The following ROBO1 variants were observed in gnomAD, a reference collection of about 807,000 sequenced individuals.
The protein encoded by ROBO1 is roundabout homolog 1.
ROBO1 carries 149 observed loss-of-function variants against 195.9 expected under a neutral mutation model. The ratio of observed to expected loss-of-function variants is 0.76; its 90% CI spans 0.67 to 0.87. The LOEUF (loss-of-function observed/expected upper bound fraction) is 0.87. ROBO1 is among the 40% of genes least tolerant of loss of function. The pLI, the probability that ROBO1 is intolerant of heterozygous loss-of-function variation, is 0.00. For synonymous variants in ROBO1, 816 were observed against 733.2 expected, an observed-to-expected ratio of 1.11 and a Z score of -1.82; for missense variants, 1,933 against 2,068.3, an observed-to-expected ratio of 0.93 and a Z score of 1.27.
chr3:79,732,048 T>C (rs1311509457), intron 1 of ROBO1, among the ~76,000 whole-genome samples: 2 of 152,052 alleles, frequency 1.3e-5, no homozygotes, highest in Non-Finnish European at 2.9e-5. Context: ...ATAAAACATA[T>C]AGATGAGGTA....
chr3:79,144,570 C>T (rs766670740), intron 2 of ROBO1, among the ~76,000 whole-genome samples: 2 of 151,840 alleles, frequency 1.3e-5, no homozygotes, highest in South Asian at 4.2e-4. Context: ...GAATGGAGTA[C>T]GTGAACCTAA....
intron 4 of ROBO1, among the ~76,000 whole-genome samples, chr3:78,859,034 C>T (rs150135761): frequency 6.6e-6 from 1 of 151,998 alleles, no homozygotes; most frequent in Non-Finnish European, 1.5e-5. Flanking sequence ...TTCCACAACT[C>T]TCTGTTGAAC....
chr3:79,035,725 T>C (rs2078370253), intron 3 of ROBO1, among the ~76,000 whole-genome samples: 1 of 150,488 alleles, frequency 6.6e-6, no homozygotes, highest in African/African-American at 2.5e-5. Context: ...TACGAGACTT[T>C]ATCTAAAAAA....
chr3:79,742,813 C>T (rs372931489), intron 1 of ROBO1, among the ~76,000 whole-genome samples: 1 of 152,256 alleles, frequency 6.6e-6, no homozygotes, highest in East Asian at 1.9e-4. Context: ...CAAGAGCTTC[C>T]TTCAAAAGCA....
intron 2 of ROBO1, among the ~76,000 whole-genome samples, chr3:79,139,355 G>A (rs1475751054): frequency 6.6e-5 from 10 of 152,036 alleles, no homozygotes; most frequent in Admixed American, 6.6e-4. Flanking sequence ...TTCTATTGAT[G>A]GAGAAATGTT....
At chr3:79,594,365 G>C (rs1183509554) in intron 1 of ROBO1, among the ~76,000 whole-genome samples, 1 of 151,970 alleles carries the variant, frequency 6.6e-6, no homozygotes, top group Non-Finnish European at 1.5e-5. Context: ...TGTACATAAA[G>C]TGCCTATTTT....
At chr3:79,311,973 A>G (rs1439107056) in intron 2 of ROBO1, among the ~76,000 whole-genome samples, 2 of 152,084 alleles carry the variant, frequency 1.3e-5, no homozygotes, top group African/African-American at 4.8e-5. Context: ...CATGTATCCA[A>G]TTCTGAACTC....
chr3:79,081,682 T>C (rs2079277469), intron 3 of ROBO1, among the ~76,000 whole-genome samples: 1 of 152,136 alleles, frequency 6.6e-6, no homozygotes, highest in African/African-American at 2.4e-5. Context: ...ACAAACACAA[T>C]AGAGACCTTT....
At chr3:79,543,896 T>G (rs938552982) in intron 2 of ROBO1, among the ~76,000 whole-genome samples, 1 of 152,128 alleles carries the variant, frequency 6.6e-6, no homozygotes, top group Admixed American at 6.6e-5. Context: ...ACCTAGTTCC[T>G]CTGTACATTT....
intron 8 of ROBO1, among the ~76,000 whole-genome samples, chr3:78,697,274 GGGAGGGAC>G (rs1046381654): frequency 6.6e-6 from 1 of 152,086 alleles, no homozygotes; most frequent in African/African-American, 2.4e-5. Flanking sequence ...GAGGGAGGGA[GGGAGGGAC>G]GGAGGAAGAT....
chr3:78,938,970 A>G lies in ROBO1; in HGVS notation c.173-43T>C. 3 of 1,498,112 alleles carry G rather than the reference A, an allele frequency of 2.0e-6. No individual in the cohort carries two copies. In the South Asian group the frequency reaches 3.8e-5, roughly 19 times the overall value. 92.8% of individuals were successfully genotyped at this position (1,498,112 alleles called of 1,614,324 possible). ...AAATATCTTCGTATATCACTTGAAA[A>G]CAGTTAATCGCTTATTTTTAAAGCA... On this transcript the variant is annotated intron_variant, in intron 3 of 30. Transcript: ENST00000464233.
intron 2 of ROBO1, among the ~76,000 whole-genome samples, chr3:79,260,450 A>T (rs952210609): frequency 6.6e-6 from 1 of 152,136 alleles, no homozygotes; most frequent in Non-Finnish European, 1.5e-5. Flanking sequence ...TATGAAAAAT[A>T]AAATTTTCTA....
At chr3:79,497,472 A>G (rs1037837475) in intron 2 of ROBO1, among the ~76,000 whole-genome samples, 8 of 152,160 alleles carry the variant, frequency 5.3e-5, no homozygotes, top group African/African-American at 1.9e-4. Context: ...TAACTGGAAA[A>G]GTATTGATTA....
intron 2 of ROBO1, among the ~76,000 whole-genome samples, chr3:79,576,295 TC>T (rs1943484139): frequency 3.3e-5 from 5 of 152,016 alleles, no homozygotes; most frequent in African/African-American, 1.2e-4. Context: ...TTCCAAACAT[TC>T]TATTTTCAGT....
chr3:78,809,824 A>G (rs985096078), intron 4 of ROBO1, among the ~76,000 whole-genome samples: 4 of 151,910 alleles, frequency 2.6e-5, no homozygotes, highest in Admixed American at 2.6e-4. Flanking sequence ...GGAACATCAC[A>G]CACCGAAGCC....
intron 1 of ROBO1, among the ~76,000 whole-genome samples, chr3:79,699,877 G>A (rs1250098028): frequency 6.6e-6 from 1 of 151,568 alleles, no homozygotes; most frequent in African/African-American, 2.4e-5. Context: ...TGTATGTGTA[G>A]GTTTGTCATA....
At position 79,128,759 on chromosome 3, in the gene ROBO1, A is replaced by G. The variant is rs147911561; in HGVS notation, c.89-3220T>C. Among the ~76,000 whole-genome samples, 1,032 of 152,260 alleles carry G rather than the reference A, an allele frequency of 6.8e-3. 15 individuals carry two copies. The highest frequency in any genetic ancestry group is 0.024 in the African/African-American group (989 of 41,562). ...TGAATTTAGTGGCCATTGGACCTTC[A>G]CTGCTTTTCAGGGTGATCAATTCCA... On this transcript the variant is annotated intron_variant, in intron 2 of 30. Transcript: ENST00000464233.
At chr3:79,636,619 G>GAGAACA (rs2108049380) in intron 1 of ROBO1, among the ~76,000 whole-genome samples, 1 of 152,242 alleles carries the variant, frequency 6.6e-6, no homozygotes, top group Admixed American at 6.5e-5. Context: ...AAGACATTGA[G>GAGAACA]AGAACAAGGC....
At chr3:79,201,100 C>G (rs182033152) in intron 2 of ROBO1, among the ~76,000 whole-genome samples, 1 of 152,028 alleles carries the variant, frequency 6.6e-6, no homozygotes, top group African/African-American at 2.4e-5. Context: ...TTCTCATCCT[C>G]ATTCTTAATA....
Sources: allele counts gnomAD v4.1 joint callset (sites outside exome capture counted in the v4.1 genomes callset), GRCh38; gene constraint gnomAD v4.1.1; transcripts MANE v1.5; gene names NCBI Gene and HGNC (gene_info 2026-07-23, HGNC 2026-07-21).